Variants in BTRC observed in about 807,000 individuals in gnomAD.
BTRC encodes the protein F-box/WD repeat-containing protein 1A.
In BTRC, 42 loss-of-function variants were observed where a neutral mutation model predicts 85.5. That is an observed-to-expected ratio of 0.49 (90% CI 0.38 to 0.64). BTRC has a LOEUF of 0.64. BTRC is among the 30% of genes least tolerant of loss of function. The pLI, the probability that BTRC is intolerant of heterozygous loss-of-function variation, is 0.00. For synonymous variants in BTRC, 255 were observed against 263.3 expected, an observed-to-expected ratio of 0.97 and a Z score of 0.30; for missense variants, 594 against 743.5, an observed-to-expected ratio of 0.80 and a Z score of 2.34.
chr10:101,421,016 T>C (rs917902295), intron 1 of BTRC, among the ~76,000 whole-genome samples: 3 of 150,600 alleles, frequency 2.0e-5, no homozygotes, highest in African/African-American at 7.3e-5. Context: ...AGAGGTTTAC[T>C]ATCACATCAG....
At chr10:101,520,844 A>G (rs371372703) in intron 4 of BTRC, among the ~76,000 whole-genome samples, 2 of 152,066 alleles carry the variant, frequency 1.3e-5, no homozygotes, top group African/African-American at 4.8e-5. Flanking sequence ...TGTAGTCCCA[A>G]TACTTGGGAG....
intron 1 of BTRC, among the ~76,000 whole-genome samples, chr10:101,409,578 T>G (rs993204406): frequency 6.6e-6 from 1 of 152,210 alleles, no homozygotes; most frequent in African/African-American, 2.4e-5. Flanking sequence ...CTATATGTTA[T>G]AGCTTGTTGC....
chr10:101,541,559 C>T (rs1020729377), intron 13 of BTRC, among the ~76,000 whole-genome samples: 1 of 152,178 alleles, frequency 6.6e-6, no homozygotes. Context: ...CGCGCCCGGC[C>T]TAGGGTTTTT....
At chr10:101,390,128 T>C (rs1301974693) in intron 1 of BTRC, among the ~76,000 whole-genome samples, 2 of 152,166 alleles carry the variant, frequency 1.3e-5, no homozygotes, top group African/African-American at 4.8e-5. Flanking sequence ...AATTTTGTGT[T>C]TTACTCTTGA....
intron 3 of BTRC, among the ~76,000 whole-genome samples, chr10:101,478,937 T>TG (rs1183316552): frequency 6.9e-6 from 1 of 144,938 alleles, no homozygotes; most frequent in African/African-American, 2.5e-5. Flanking sequence ...AGACTCCATC[T>TG]GGGGAAAAAA....
chr10:101,490,688 C>G (rs150893457), intron 4 of BTRC, among the ~76,000 whole-genome samples: 1 of 152,166 alleles, frequency 6.6e-6, no homozygotes. Context: ...CATCTTCCTC[C>G]TCTTCCTACC....
At chr10:101,474,350 A>G (rs896638304) in intron 3 of BTRC, among the ~76,000 whole-genome samples, 17 of 152,126 alleles carry the variant, frequency 1.1e-4, no homozygotes, top group African/African-American at 4.1e-4. Context: ...TCTTGAATCT[A>G]AACTCATGGT....
intron 2 of BTRC, among the ~76,000 whole-genome samples, chr10:101,461,492 T>G (rs1277817035): frequency 6.6e-6 from 1 of 152,204 alleles, no homozygotes; most frequent in Non-Finnish European, 1.5e-5. Context: ...GAGTAAATGT[T>G]TTTTTAAGTC....
At chr10:101,474,456 A>C (rs1177626400) in intron 3 of BTRC, among the ~76,000 whole-genome samples, 2 of 152,230 alleles carry the variant, frequency 1.3e-5, no homozygotes, top group African/African-American at 2.4e-5. Context: ...CATGAGCAGC[A>C]GCTGGAATAT....
At chr10:101,458,937 CA>C (rs1357802413) in intron 2 of BTRC, among the ~76,000 whole-genome samples, 2 of 152,140 alleles carry the variant, frequency 1.3e-5, no homozygotes, top group African/African-American at 2.4e-5. Flanking sequence ...GTTAACTTGT[CA>C]AACTTTCACT....
At chr10:101,536,139 C>T (rs905978945) in intron 11 of BTRC, among the ~76,000 whole-genome samples, 3 of 152,170 alleles carry the variant, frequency 2.0e-5, no homozygotes, top group Admixed American at 6.5e-5. Flanking sequence ...AAGTGTCTGC[C>T]GTGGCAGAGG....
chr10:101,531,356 G>A, intron 7 of BTRC, 23 bp downstream of exon 7: 3 of 1,526,380 alleles, frequency 2.0e-6, no homozygotes, highest in Non-Finnish European at 2.7e-6. Flanking sequence ...GTATTTTGGG[G>A]TATTGCCCAA....
intron 4 of BTRC, among the ~76,000 whole-genome samples, chr10:101,483,418 C>A (rs1483665578): frequency 6.6e-6 from 1 of 152,172 alleles, no homozygotes; most frequent in East Asian, 1.9e-4. Context: ...CATGGTGAAA[C>A]CCTGTCTATA....
At chr10:101,523,083 TATCTC>T (rs1405495526) in intron 5 of BTRC, among the ~76,000 whole-genome samples, 1 of 152,036 alleles carries the variant, frequency 6.6e-6, no homozygotes, top group Non-Finnish European at 1.5e-5. Context: ...ACACACCTGT[TATCTC>T]AGCTACTTGG....
chr10:101,552,792 C>T (rs1035064310), intron 14 of BTRC, among the ~76,000 whole-genome samples: 1 of 152,146 alleles, frequency 6.6e-6, no homozygotes, highest in Non-Finnish European at 1.5e-5. Flanking sequence ...ACTGGCACCG[C>T]CATGCTCATG....
chr10:101,391,665 G>C (rs1943239844), intron 1 of BTRC, among the ~76,000 whole-genome samples: 1 of 152,128 alleles, frequency 6.6e-6, no homozygotes, highest in African/African-American at 2.4e-5. Context: ...TAGAACAGTA[G>C]CCTCCTAACC....
chr10:101,467,345 TCTCTCTA>T (rs1564790428), intron 3 of BTRC, among the ~76,000 whole-genome samples: 9 of 145,856 alleles, frequency 6.2e-5, no homozygotes, highest in Admixed American at 1.4e-4. Flanking sequence ...TTTTTTTTTT[TCTCTCTA>T]TTTGTTTTAG....
chr10:101,388,194 C>T lies in BTRC; in HGVS notation c.48+33966C>T, dbSNP rs1359324031. Among the ~76,000 whole-genome samples, 3 of 152,148 alleles carry T rather than the reference C, an allele frequency of 2.0e-5. No individual in the cohort carries two copies. The East Asian group carries it at 5.8e-4, about 29-fold the overall frequency. On this transcript the variant is annotated intron_variant, in intron 1 of 14. Coordinates refer to ENST00000370187, the MANE Select transcript of BTRC (RefSeq NM_033637.4). ...TTGTTTTGTTTAGAGGAGAATCTTG[C>T]TCTGTTGCCCAGGCTAGAGGGTAGT...
At chr10:101,466,484 C>T (rs1353588840) in intron 3 of BTRC, among the ~76,000 whole-genome samples, 1 of 152,160 alleles carries the variant, frequency 6.6e-6, no homozygotes, top group Admixed American at 6.6e-5. Context: ...TGGCTCAGGG[C>T]ATTACATTTT....
Sources: allele counts gnomAD v4.1 joint callset (sites outside exome capture counted in the v4.1 genomes callset), GRCh38; gene constraint gnomAD v4.1.1; transcripts MANE v1.5; gene names NCBI Gene and HGNC (gene_info 2026-07-23, HGNC 2026-07-21).